PTPRK: variants seen among roughly 807,000 people sequenced by gnomAD.
The protein encoded by PTPRK is protein tyrosine phosphatase receptor type K.
PTPRK carries 75 observed loss-of-function variants against 178.0 expected under a neutral mutation model. The observed-to-expected ratio is 0.42, with a 90% CI of 0.35 to 0.51. PTPRK has a LOEUF of 0.51. PTPRK is among the 20% of genes least tolerant of loss of function. PTPRK has a pLI of 0.02. For missense variants in PTPRK, 1,441 were observed against 1,797.8 expected (o/e 0.80, Z 3.59); for synonymous variants, 637 against 620.6 (o/e 1.03, Z -0.39).
In PTPRK at chr6:128,274,383, T is replaced by C. The variant is rs532920702; in HGVS notation, c.496-31781A>G. 3.2e-4 allele frequency among the ~76,000 whole-genome samples: 49 copies of C among 152,206 alleles called. No homozygotes were observed. In the South Asian group the frequency reaches 9.9e-3, roughly 31 times the overall value. On this transcript the variant is annotated intron_variant, in intron 3 of 29. Transcript: ENST00000368226. The stretch of plus-strand genomic sequence containing the variant: ...TCTCTAAAATTCAGAAAACTACAAA[T>C]ATAAACCAGTGTTTTGCTAAGTCTA...
At chr6:128,401,618 A>G (rs4351279) in intron 1 of PTPRK, among the ~76,000 whole-genome samples, 148,188 of 152,246 alleles carry the variant, frequency 0.97, 72,227 homozygotes, top group East Asian at 1. Flanking sequence ...TATTGTCCTA[A>G]GATCTTCCAC....
intron 1 of PTPRK, among the ~76,000 whole-genome samples, chr6:128,416,254 C>CA (rs1030407430): frequency 6.6e-6 from 1 of 151,726 alleles, no homozygotes; most frequent in African/African-American, 2.4e-5. Flanking sequence ...ACCACACACA[C>CA]AAAAAAAGTA....
chr6:128,071,226 CA>C, intron 11 of PTPRK, among the ~76,000 whole-genome samples: 1 of 151,988 alleles, frequency 6.6e-6, no homozygotes, highest in South Asian at 2.1e-4. Context: ...AAGTTTGATA[CA>C]GTTTAAAACG....
chr6:128,402,989 C>T (rs1841223583), intron 1 of PTPRK, among the ~76,000 whole-genome samples: 1 of 152,128 alleles, frequency 6.6e-6, no homozygotes, highest in Admixed American at 6.5e-5. Flanking sequence ...GGTCTAACTC[C>T]TTCATTAAGG....
chr6:128,350,136 A>G (rs1832937033), intron 2 of PTPRK, among the ~76,000 whole-genome samples: 1 of 152,152 alleles, frequency 6.6e-6, no homozygotes, highest in South Asian at 2.1e-4. Context: ...GGAGAAATAA[A>G]AACTCCAAAT....
chr6:128,322,838 T>C (rs1392537170), intron 2 of PTPRK, among the ~76,000 whole-genome samples: 1 of 152,094 alleles, frequency 6.6e-6, no homozygotes, highest in Non-Finnish European at 1.5e-5. Flanking sequence ...TCATCATTTA[T>C]ACAAGTTATG....
chr6:128,488,959 A>G (rs963554889), intron 1 of PTPRK, among the ~76,000 whole-genome samples: 1 of 152,124 alleles, frequency 6.6e-6, no homozygotes, highest in Admixed American at 6.5e-5. Flanking sequence ...CTAAGCTATA[A>G]AGCCACTGAT....
chr6:128,438,568 A>C (rs1845905649), intron 1 of PTPRK, among the ~76,000 whole-genome samples: 3 of 152,216 alleles, frequency 2.0e-5, no homozygotes, highest in African/African-American at 7.2e-5. Flanking sequence ...ATCTGCCTTC[A>C]TCTTACCTCT....
chr6:128,068,477 C>T (rs1020023493), intron 11 of PTPRK, among the ~76,000 whole-genome samples: 6 of 152,056 alleles, frequency 3.9e-5, no homozygotes, highest in African/African-American at 1.2e-4. Context: ...GGCATTTGGC[C>T]TATTAAAGCT....
At chr6:128,335,044 T>A (rs1266934584) in intron 2 of PTPRK, among the ~76,000 whole-genome samples, 1 of 152,152 alleles carries the variant, frequency 6.6e-6, no homozygotes, top group Non-Finnish European at 1.5e-5. Context: ...GCCAAAGCCA[T>A]GCCACTGCAC....
chr6:128,409,052 T>A (rs1023013345), intron 1 of PTPRK, among the ~76,000 whole-genome samples: 1 of 152,188 alleles, frequency 6.6e-6, no homozygotes, highest in Non-Finnish European at 1.5e-5. Flanking sequence ...AAGAAGACAG[T>A]GTCATAGGAG....
intron 13 of PTPRK, among the ~76,000 whole-genome samples, chr6:128,054,517 C>A (rs1320231375): frequency 6.6e-6 from 1 of 152,142 alleles, no homozygotes; most frequent in Non-Finnish European, 1.5e-5. Flanking sequence ...AACATCAGCA[C>A]AGAGAGTTCA....
intron 1 of PTPRK, among the ~76,000 whole-genome samples, chr6:128,447,693 T>C (rs1847209889): frequency 1.3e-5 from 2 of 151,874 alleles, no homozygotes; most frequent in African/African-American, 2.4e-5. Context: ...GGCACGATCT[T>C]GGCTCACTGT....
At chr6:128,215,719 A>G (rs1809151720) in intron 6 of PTPRK, among the ~76,000 whole-genome samples, 1 of 152,166 alleles carries the variant, frequency 6.6e-6, no homozygotes, top group South Asian at 2.1e-4. Flanking sequence ...CTTTCAGTTT[A>G]GGAGAAAATG....
intron 13 of PTPRK, among the ~76,000 whole-genome samples, chr6:128,035,897 T>A (rs1776127837): frequency 6.6e-6 from 1 of 152,304 alleles, no homozygotes; most frequent in South Asian, 2.1e-4. Flanking sequence ...ATTCTCAGAA[T>A]AGTGGCAAAC....
chr6:128,114,704 C>T (rs1418137820), intron 7 of PTPRK, among the ~76,000 whole-genome samples: 1 of 150,878 alleles, frequency 6.6e-6, no homozygotes, highest in African/African-American at 2.4e-5. Context: ...AACTAATCAC[C>T]TCCCACCAGG....
At chr6:128,088,567 ATAAAAGGAAATTT>A (rs1026317849) in intron 8 of PTPRK, among the ~76,000 whole-genome samples, 1 of 152,154 alleles carries the variant, frequency 6.6e-6, no homozygotes, top group African/African-American at 2.4e-5. Flanking sequence ...GCCTTAATTC[ATAAAAGGAAATTT>A]TGAAAGGAAA....
intron 1 of PTPRK, among the ~76,000 whole-genome samples, chr6:128,460,135 A>G (rs1848861381): frequency 6.6e-6 from 1 of 152,204 alleles, no homozygotes; most frequent in Admixed American, 6.6e-5. Context: ...TTACATTTGA[A>G]CATGAGATTT....
At chr6:128,243,977 G>A (rs1051203797) in intron 3 of PTPRK, among the ~76,000 whole-genome samples, 53 of 152,232 alleles carry the variant, frequency 3.5e-4, no homozygotes, top group African/African-American at 1.3e-3. Flanking sequence ...ATGGTGAGAT[G>A]AGAAGAAAAA....
Sources: allele counts gnomAD v4.1 joint callset (sites outside exome capture counted in the v4.1 genomes callset), GRCh38; gene constraint gnomAD v4.1.1; transcripts MANE v1.5; gene names NCBI Gene and HGNC (gene_info 2026-07-23, HGNC 2026-07-21).